Variants in ZNF618 observed in about 807,000 individuals in gnomAD.
ZNF618 encodes the protein neural precursor cell expressed, developmentally down-regulated 10.
ZNF618 carries 34 observed loss-of-function variants against 103.0 expected under a neutral mutation model. The observed-to-expected ratio is 0.33, with a 90% CI of 0.25 to 0.44. The LOEUF is 0.44. Ranked by LOEUF, ZNF618 falls within the 20% of genes least tolerant of loss-of-function variation. The pLI, the probability that ZNF618 is intolerant of heterozygous loss-of-function variation, is 1.00. For missense variants in ZNF618, 1,059 were observed against 1,295.4 expected, an observed-to-expected ratio of 0.82 and a Z score of 2.80; for synonymous variants, 551 against 542.2, an observed-to-expected ratio of 1.02 and a Z score of -0.23.
intron 1 of ZNF618, among the ~76,000 whole-genome samples, chr9:113,941,051 C>T (rs1320099941): frequency 2.0e-5 from 3 of 151,338 alleles, no homozygotes; most frequent in African/African-American, 7.3e-5. Context: ...TCTTCTTTTT[C>T]TTCCTCTCCT....
intron 1 of ZNF618, among the ~76,000 whole-genome samples, chr9:113,908,045 G>A (rs143121125): frequency 2.5e-4 from 38 of 152,206 alleles, no homozygotes; most frequent in Admixed American, 1.6e-3. Flanking sequence ...ATGACGCACA[G>A]TGTGCCTGCA....
chr9:114,021,056 C>A (rs1212636799), intron 10 of ZNF618, among the ~76,000 whole-genome samples: 2 of 151,648 alleles, frequency 1.3e-5, no homozygotes, highest in African/African-American at 4.8e-5. Context: ...TTCTTATATT[C>A]TCTTTTGTTA....
intron 4 of ZNF618, 68 bp downstream of exon 4, chr9:113,998,422 C>T: frequency 1.4e-6 from 2 of 1,402,822 alleles, no homozygotes; most frequent in Non-Finnish European, 2.0e-6. Flanking sequence ...CTGGACACAG[C>T]CATCAGTTAC....
chr9:113,936,826 T>C (rs1834065533), intron 1 of ZNF618, among the ~76,000 whole-genome samples: 1 of 152,232 alleles, frequency 6.6e-6, no homozygotes, highest in South Asian at 2.1e-4. Context: ...TTTTTTAGCA[T>C]TTTTTCTTGT....
intron 1 of ZNF618, among the ~76,000 whole-genome samples, chr9:113,877,906 G>A (rs2130723397): frequency 6.6e-6 from 1 of 152,198 alleles, no homozygotes; most frequent in East Asian, 1.9e-4. Flanking sequence ...ACTAACAGTG[G>A]ATTCACAGAA....
chr9:113,908,187 A>C (rs564597449), intron 1 of ZNF618, among the ~76,000 whole-genome samples: 1 of 152,346 alleles, frequency 6.6e-6, no homozygotes, highest in Admixed American at 6.5e-5. Flanking sequence ...GTAACAGCAC[A>C]TTTCACTTGT....
chr9:113,979,124 A>T (rs906292253), intron 2 of ZNF618, among the ~76,000 whole-genome samples: 1 of 152,244 alleles, frequency 6.6e-6, no homozygotes, highest in Non-Finnish European at 1.5e-5. Flanking sequence ...GAAATCTTCC[A>T]GAACCATATG....
At chr9:113,956,209 C>CAAAAAAA (rs10537910) in intron 1 of ZNF618, among the ~76,000 whole-genome samples, 25 of 44,572 alleles carry the variant, frequency 5.6e-4, no homozygotes, top group African/African-American at 1.1e-3. Flanking sequence ...AACTCTGTCT[C>CAAAAAAA]AAAAAAAAAA....
At position 114,036,302 on chromosome 9, in the gene ZNF618, C is replaced by T. The variant is rs781211088; in HGVS notation, c.1171C>T (p.Pro391Ser). 1.9e-6 allele frequency: 3 copies of T among 1,570,446 alleles called. No individual in the cohort carries two copies. Among genetic ancestry groups the T allele is most frequent in the South Asian group, 1.2e-5 (1 of 85,124 alleles). ...GGCTGCCGCATTTCTCCCTCCAGAA[C>T]CCTACACCTGCGGCGCCTGTGGGAT... is the stretch of plus-strand genomic sequence containing the variant. ...TNSSSQNSSE[P>S]YTCGACGIQF... The change falls in exon 13 of 15, where the codon CCC (proline) becomes TCC (serine). Residue 391 changes from proline (P) to serine (S), a missense_variant and splice_region_variant. By Grantham distance (74) the Pro-to-Ser change is moderately conservative. Coordinates refer to ENST00000374126, the MANE Select transcript of ZNF618 (RefSeq NM_001318042.2).
intron 1 of ZNF618, among the ~76,000 whole-genome samples, chr9:113,941,392 T>G (rs775171281): frequency 4.6e-5 from 7 of 152,222 alleles, no homozygotes; most frequent in Non-Finnish European, 1.0e-4. Flanking sequence ...CTGTTTAGAC[T>G]TAATCTGTTT....
At chr9:114,031,425 CGG>C (rs1032141105) in intron 11 of ZNF618, among the ~76,000 whole-genome samples, 1 of 152,136 alleles carries the variant, frequency 6.6e-6, no homozygotes, top group Non-Finnish European at 1.5e-5. Context: ...TGACAGGGGT[CGG>C]GGGGAGGTGG....
chr9:114,022,809 T>G (rs1332090772), intron 10 of ZNF618, among the ~76,000 whole-genome samples: 1 of 152,038 alleles, frequency 6.6e-6, no homozygotes, highest in East Asian at 1.9e-4. Context: ...ATTTATGTAA[T>G]TCGAACCTTT....
chr9:113,981,037 T>G (rs149841668), intron 2 of ZNF618, among the ~76,000 whole-genome samples: 48 of 152,162 alleles, frequency 3.2e-4, no homozygotes, highest in Non-Finnish European at 6.3e-4. Flanking sequence ...TTGGAGGACT[T>G]GGTCAGTGGG....
At chr9:113,942,652 A>G (rs973210801) in intron 1 of ZNF618, among the ~76,000 whole-genome samples, 1 of 152,140 alleles carries the variant, frequency 6.6e-6, no homozygotes, top group African/African-American at 2.4e-5. Context: ...TTTTTCCTAC[A>G]TGGAGAAATG....
rs549489211 is a variant in ZNF618 at position 113,948,939 on chromosome 9, C to A, written c.34-20178C>A. Among the ~76,000 whole-genome samples the A allele has an allele frequency of 5.9e-5, 9 of 152,330 alleles. 1 individual carries two copies. The South Asian group carries it at 1.9e-3, about 32-fold the overall frequency. ...GCTGCATTTTGAAACTGGGAGTTTG[C>A]TATGAGATCATCTGTTCTCCCGCTT... On this transcript the variant is annotated intron_variant, in intron 1 of 14. Transcript: ENST00000374126.
At chr9:113,999,948 C>T (rs1207938099) in intron 4 of ZNF618, among the ~76,000 whole-genome samples, 2 of 152,212 alleles carry the variant, frequency 1.3e-5, no homozygotes, top group Non-Finnish European at 2.9e-5. Flanking sequence ...GGCATTATTA[C>T]TCAGTGACAG....
chr9:114,029,007 C>G, intron 11 of ZNF618, 35 bp downstream of exon 11: 2 of 1,533,748 alleles, frequency 1.3e-6, no homozygotes, highest in Non-Finnish European at 1.8e-6. Context: ...ACACTTTCTC[C>G]CCCACTGCCC....
chr9:113,944,746 T>C (rs1168723750), intron 1 of ZNF618, among the ~76,000 whole-genome samples: 1 of 152,256 alleles, frequency 6.6e-6, no homozygotes, highest in East Asian at 1.9e-4. Flanking sequence ...AAAAATGTTA[T>C]CAATTCAACA....
At chr9:113,894,493 G>C (rs1334111347) in intron 1 of ZNF618, among the ~76,000 whole-genome samples, 1 of 152,160 alleles carries the variant, frequency 6.6e-6, no homozygotes, top group Non-Finnish European at 1.5e-5. Flanking sequence ...GCAACTTCTT[G>C]AGGGAAGTGT....
Sources: gnomAD v4.1 joint callset for allele counts (sites outside exome capture counted in the v4.1 genomes callset) on GRCh38, gnomAD v4.1.1 for gene constraint, MANE v1.5 for transcripts, NCBI Gene and HGNC (gene_info 2026-07-23, HGNC 2026-07-21) for gene names.